SERGEF: variants seen among roughly 807,000 people sequenced by gnomAD.
The protein encoded by SERGEF is secretion regulating guanine nucleotide exchange factor, also known as secretion-regulating guanine nucleotide exchange factor.
A neutral mutation model predicts 50.0 loss-of-function variants in SERGEF; 51 were observed. The observed-to-expected ratio is 1.02, with a 90% CI of 0.81 to 1.29. The LOEUF (loss-of-function observed/expected upper bound fraction) is 1.29. Among genes scored for constraint, SERGEF ranks in the 50% most tolerant of loss-of-function variants. SERGEF has a pLI of 0.00. For synonymous variants in SERGEF, 205 were observed against 212.4 expected (o/e 0.97, Z 0.30); for missense variants, 521 against 557.0 (o/e 0.94, Z 0.65).
intron 9 of SERGEF, among the ~76,000 whole-genome samples, chr11:17,883,954 G>A (rs1383648838): frequency 6.6e-6 from 1 of 152,166 alleles, no homozygotes; most frequent in Non-Finnish European, 1.5e-5. Context: ...AAATCGGGGC[G>A]CGGAAGAGTG....
chr11:17,825,935 T>G (rs1489512471), intron 10 of SERGEF, among the ~76,000 whole-genome samples: 1 of 152,202 alleles, frequency 6.6e-6, no homozygotes, highest in Non-Finnish European at 1.5e-5. Flanking sequence ...GAGTATGGGT[T>G]TGAATCCCAG....
chr11:17,956,981 C>CG (rs1852887811), intron 9 of SERGEF, among the ~76,000 whole-genome samples: 1 of 152,182 alleles, frequency 6.6e-6, no homozygotes, highest in Non-Finnish European at 1.5e-5. Context: ...ACATGCCTAG[C>CG]AGGCCAGACC....
In SERGEF at chr11:17,992,949, G is replaced by T. The variant is rs763950010; in HGVS notation, c.667C>A (p.His223Asn). 3 of 1,613,996 alleles carry T rather than the reference G, an allele frequency of 1.9e-6. No individual in the cohort carries two copies. Among genetic ancestry groups the T allele is most frequent in the Non-Finnish European group, 2.5e-6 (3 of 1,179,864 alleles). The change falls in exon 7 of 11, where the codon CAC (histidine) becomes AAC (asparagine). Residue 223 changes from histidine to asparagine, a missense_variant. Physicochemically the swap from His to Asn is moderately conservative, Grantham distance 68 (BLOSUM62 1). Transcript: ENST00000265965. Reference protein sequence around the residue: ...KAMCVLAGSDHSASLTDAGEV... With the variant: ...KAMCVLAGSDNSASLTDAGEV... ...TACCTACCTGTTAATGAAGCTGAGTGGTCTGAGCCAGCAAGAACACACATT... is the reference window on the plus strand; with the variant it reads ...TACCTACCTGTTAATGAAGCTGAGTTGTCTGAGCCAGCAAGAACACACATT...
chr11:17,891,297 G>GA (rs1291424962), intron 9 of SERGEF, among the ~76,000 whole-genome samples: 1 of 152,102 alleles, frequency 6.6e-6, no homozygotes, highest in Non-Finnish European at 1.5e-5. Flanking sequence ...CATTTCTTGT[G>GA]AAAAAAGATC....
At position 17,896,687 on chromosome 11, in the gene SERGEF, GA is replaced by G. The variant is rs1241084255; in HGVS notation, c.1012-18444del. On this transcript the variant is annotated intron_variant, in intron 9 of 10. Coordinates refer to ENST00000265965, the MANE Select transcript of SERGEF (RefSeq NM_012139.4). Reference sequence around the variant, plus strand: ...GGGTAACGGGAAGGGAAGGGGAAGGGAAAGGGGAAGGGTAAGGGAAGGGTAA... The same window carrying G: ...GGGTAACGGGAAGGGAAGGGGAAGGGAAGGGGAAGGGTAAGGGAAGGGTAA... 3.2e-3 allele frequency among the ~76,000 whole-genome samples: 342 copies of G among 106,254 alleles called. 20 individuals carry two copies. Among genetic ancestry groups the G allele is most frequent in the Non-Finnish European group, 5.4e-3 (259 of 47,818 alleles). 69.7% of individuals were successfully genotyped at this position (106,254 alleles called of 152,430 possible).
intron 9 of SERGEF, among the ~76,000 whole-genome samples, chr11:17,931,178 A>G (rs903797341): frequency 1.3e-5 from 2 of 152,194 alleles, no homozygotes; most frequent in African/African-American, 4.8e-5. Flanking sequence ...AGTATTAGAA[A>G]GACTAATCAA....
chr11:17,878,772 G>A (rs986732835), intron 9 of SERGEF, among the ~76,000 whole-genome samples: 2 of 152,108 alleles, frequency 1.3e-5, no homozygotes, highest in Admixed American at 1.3e-4. Flanking sequence ...CTTTCAACAC[G>A]TCATGTTCTC....
chr11:18,012,461 G>C, intron 1 of SERGEF: 1 of 1,047,850 alleles, frequency 9.5e-7, no homozygotes, highest in Non-Finnish European at 1.2e-6. Context: ...CAAATAGGCA[G>C]GGTCTGTGCC....
chr11:17,988,584 GCTA>G lies in SERGEF; in HGVS notation c.844+10_844+12del. 1 of 1,613,128 alleles carries G rather than the reference GCTA, an allele frequency of 6.2e-7. No homozygotes were observed. Among genetic ancestry groups the G allele is most frequent in the Non-Finnish European group, 8.5e-7 (1 of 1,179,570 alleles). On this transcript the variant is annotated intron_variant, in intron 8 of 10. Coordinates refer to ENST00000265965, the MANE Select transcript of SERGEF (RefSeq NM_012139.4). ...TGCTCTTACCAACCGTAAGTTCTCT[GCTA>G]CTGTCTCACCTGTCTGAGCAACCAG...
chr11:17,949,095 G>A (rs1290588124), intron 9 of SERGEF, among the ~76,000 whole-genome samples: 1 of 152,098 alleles, frequency 6.6e-6, no homozygotes, highest in African/African-American at 2.4e-5. Flanking sequence ...GGGGATCTTG[G>A]GGGTCTAAAG....
At chr11:17,834,877 G>A (rs984661743) in intron 10 of SERGEF, among the ~76,000 whole-genome samples, 3 of 151,982 alleles carry the variant, frequency 2.0e-5, no homozygotes, top group Admixed American at 6.6e-5. Flanking sequence ...CTGGTATTTC[G>A]GTTCCCCTCG....
intron 10 of SERGEF, among the ~76,000 whole-genome samples, chr11:17,831,561 A>C (rs1364717393): frequency 6.6e-6 from 1 of 152,232 alleles, no homozygotes. Flanking sequence ...CTGAGGACTT[A>C]AGAGCTGGAA....
intron 3 of SERGEF, among the ~76,000 whole-genome samples, 166 bp from the exon 4 acceptor site, chr11:18,004,701 C>T (rs766056784): frequency 6.6e-6 from 1 of 152,282 alleles, no homozygotes; most frequent in African/African-American, 2.4e-5. Context: ...ACACTGGGCA[C>T]CAGGTTAAGC....
At chr11:17,941,568 A>G (rs1852563302) in intron 9 of SERGEF, among the ~76,000 whole-genome samples, 1 of 152,162 alleles carries the variant, frequency 6.6e-6, no homozygotes, top group Non-Finnish European at 1.5e-5. Flanking sequence ...CTTTCTGGGT[A>G]TTGTGAATAG....
intron 10 of SERGEF, among the ~76,000 whole-genome samples, chr11:17,841,246 A>T (rs929348805): frequency 2.0e-5 from 3 of 152,218 alleles, no homozygotes; most frequent in Non-Finnish European, 4.4e-5. Context: ...CCATACCCAG[A>T]TGTCTAAAAG....
chr11:17,885,626 G>T (rs1240427025), intron 9 of SERGEF, among the ~76,000 whole-genome samples: 2 of 151,768 alleles, frequency 1.3e-5, no homozygotes, highest in African/African-American at 4.9e-5. Context: ...ACATGCATGG[G>T]CATGATCTGA....
chr11:17,979,574 G>C (rs1041056681), intron 8 of SERGEF, among the ~76,000 whole-genome samples: 7 of 152,100 alleles, frequency 4.6e-5, no homozygotes, highest in Non-Finnish European at 8.8e-5. Flanking sequence ...CTATCTCCAG[G>C]CCTCTTAACA....
At chr11:17,876,624 CAG>C (rs1319820944) in intron 10 of SERGEF, among the ~76,000 whole-genome samples, 1 of 152,256 alleles carries the variant, frequency 6.6e-6, no homozygotes, top group African/African-American at 2.4e-5. Flanking sequence ...TGTCTGCCTG[CAG>C]AGTCTTTGCT....
At chr11:17,988,422 ACT>A (rs1853643435) in intron 8 of SERGEF, among the ~76,000 whole-genome samples, 173 bp downstream of exon 8, 1 of 152,124 alleles carries the variant, frequency 6.6e-6, no homozygotes, top group African/African-American at 2.4e-5. Context: ...CAAACCTGTG[ACT>A]CTGAGAGGAA....
Sources: allele counts gnomAD v4.1 joint callset (sites outside exome capture counted in the v4.1 genomes callset), GRCh38; gene constraint gnomAD v4.1.1; transcripts MANE v1.5; gene names NCBI Gene and HGNC (gene_info 2026-07-23, HGNC 2026-07-21).